GMCL1: variants seen among roughly 807,000 people sequenced by gnomAD.
GMCL1 encodes the protein germ cell-less 1, spermatogenesis associated.
In GMCL1, 54 loss-of-function variants were observed where a neutral mutation model predicts 75.5. That is an observed-to-expected ratio of 0.71 (90% CI 0.57 to 0.90). GMCL1 has a LOEUF of 0.90. Ranked by LOEUF, GMCL1 falls within the 40% of genes least tolerant of loss-of-function variation. The probability of loss-of-function intolerance (pLI) is 0.00; values close to 1 mark genes in which losing one functional copy is unlikely to be tolerated. For synonymous variants in GMCL1, 210 were observed against 209.6 expected, an observed-to-expected ratio of 1.00 and a Z score of -0.02; for missense variants, 537 against 622.7, an observed-to-expected ratio of 0.86 and a Z score of 1.47.
Position 69,829,859 on chromosome 2 carries a change from C to G in GMCL1, c.-34C>G. On this transcript the variant is annotated 5_prime_UTR_variant, in exon 1 of 14. Transcript: ENST00000282570. Reference sequence around the variant, plus strand: ...GAGCCATGGCGGGAGACCCCCTTCTCTGGGCTCCCTGAAGTCTCGGGGAGC... The same window carrying G: ...GAGCCATGGCGGGAGACCCCCTTCTGTGGGCTCCCTGAAGTCTCGGGGAGC... 1 of 1,530,542 alleles carries G rather than the reference C, an allele frequency of 6.5e-7. No individual in the cohort carries two copies. Among genetic ancestry groups the G allele is most frequent in the African/African-American group, 1.4e-5 (1 of 72,402 alleles). The allele number at this position is 1,530,542 out of a possible 1,614,324, so 94.8% of individuals were successfully genotyped here.
rs1197368876 is a variant in GMCL1, at chr2:69,877,984, C to T, written c.1453-925C>T. 3.9e-5 allele frequency among the ~76,000 whole-genome samples: 6 copies of T among 152,132 alleles called. No homozygotes were observed. The East Asian group carries it at 5.8e-4, about 15-fold the overall frequency. ...GAGAGCATATCCCAGGCATTTAAAA[C>T]GTAGGAATTCTCATTTTAGTGTTTC... On this transcript the variant is annotated intron_variant, in intron 13 of 13. Coordinates refer to ENST00000282570, the MANE Select transcript of GMCL1 (RefSeq NM_178439.5).
At position 69,878,954 on chromosome 2, in the gene GMCL1, T is replaced by A; in HGVS notation, c.1498T>A (p.Leu500Ile). ...GGACAGCAGGCTTCTGATCTTCCCT[T>A]TATATATCTGCTGTAACTTCTTGTA... ...NLDSRLLIFP[L>I]YICCNFLYIS... Residue 500 changes from leucine to isoleucine, a missense_variant, in exon 14 of 14, where the codon TTA becomes ATA. This residue lies in a region of GMCL1 where 345 missense variants were observed against 410.5 expected (regional missense o/e 0.84). Coordinates refer to ENST00000282570, the MANE Select transcript of GMCL1 (RefSeq NM_178439.5). 1 of 1,611,006 alleles carries A rather than the reference T, an allele frequency of 6.2e-7. No individual in the cohort carries two copies. Among genetic ancestry groups the A allele is most frequent in the South Asian group, 1.1e-5 (1 of 90,986 alleles).
chr2:69,841,086 G>T (rs1558538500), intron 4 of GMCL1, 47 bp downstream of exon 4: 1 of 1,361,346 alleles, frequency 7.3e-7, no homozygotes, highest in African/African-American at 1.4e-5. Flanking sequence ...AATAATCTTT[G>T]TCTCAAAGTG....
At chr2:69,873,412 A>G (rs1676038535) in intron 13 of GMCL1, among the ~76,000 whole-genome samples, 1 of 152,228 alleles carries the variant, frequency 6.6e-6, no homozygotes. Context: ...CAACAATCAT[A>G]CATGTACCAC....
intron 1 of GMCL1, among the ~76,000 whole-genome samples, chr2:69,830,763 C>CTT (rs201320282): frequency 4.2e-4 from 58 of 138,060 alleles, no homozygotes; most frequent in Admixed American, 2.5e-3. Context: ...TGTTTAACCC[C>CTT]TTTTTTTTTT....
rs373203076 is a variant in GMCL1, at chr2:69,843,923, T to C, written c.693-208T>C. On this transcript the variant is annotated intron_variant, in intron 5 of 13. Transcript: ENST00000282570. ...TTAACACAAACTCAAAATGAAGTTT[T>C]AAAACTGGAAATGCTCTCGTTAATA... 3.9e-5 allele frequency among the ~76,000 whole-genome samples: 6 copies of C among 152,280 alleles called. No homozygotes were observed. The South Asian group carries it at 1.2e-3, about 32-fold the overall frequency.
chr2:69,832,250 C>A (rs1674695661), intron 1 of GMCL1, among the ~76,000 whole-genome samples: 2 of 151,934 alleles, frequency 1.3e-5, no homozygotes, highest in Non-Finnish European at 2.9e-5. Flanking sequence ...GACTTCTTGT[C>A]TGTATTCTGC....
chr2:69,837,468 G>A, intron 1 of GMCL1, 79 bp from the exon 2 acceptor site: 3 of 1,074,956 alleles, frequency 2.8e-6, no homozygotes, highest in South Asian at 1.7e-5. Flanking sequence ...TGAATAAAAG[G>A]AGTATTTAGA....
chr2:69,868,812 T>G (rs2104040829), intron 11 of GMCL1, among the ~76,000 whole-genome samples: 1 of 151,174 alleles, frequency 6.6e-6, no homozygotes, highest in South Asian at 2.1e-4. Context: ...CCACTTAGAG[T>G]TGCAGTGAAA....
chr2:69,864,233 CTAT>C (rs2104023684), intron 10 of GMCL1, among the ~76,000 whole-genome samples: 1 of 151,748 alleles, frequency 6.6e-6, no homozygotes, highest in East Asian at 1.9e-4. Context: ...ATTATATATG[CTAT>C]TATTGTACCC....
At chr2:69,878,793 G>T (rs989945388) in intron 13 of GMCL1, 116 bp from the exon 14 acceptor site, 1 of 747,436 alleles carries the variant, frequency 1.3e-6, no homozygotes, top group Non-Finnish European at 2.4e-6. Flanking sequence ...TTTGGAGAGT[G>T]GAGTTGTGGA....
chr2:69,877,241 T>C, intron 13 of GMCL1, among the ~76,000 whole-genome samples: 1 of 152,214 alleles, frequency 6.6e-6, no homozygotes. Context: ...CGGATCGACC[T>C]ATCCTGTTTG....
chr2:69,829,931 A>G lies in GMCL1; in HGVS notation c.39A>G (p.Arg13=). The G allele has an allele frequency of 6.2e-7, 1 of 1,604,726 alleles. No individual in the cohort carries two copies. The highest frequency in any genetic ancestry group is 8.5e-7 in the Non-Finnish European group (1 of 1,175,850). The change falls in exon 1 of 14, where the codon AGA becomes AGG. Residue 13 remains arginine, a synonymous_variant. Transcript: ENST00000282570. ...SLSSRVLRQP[R]PALAQQAQGA... ...GCAGCCGGGTGCTGCGCCAGCCAAG[A>G]CCAGCCCTTGCCCAGCAGGCGCAGG...
chr2:69,866,704 A>T (rs1412402631), intron 11 of GMCL1, among the ~76,000 whole-genome samples: 2 of 149,414 alleles, frequency 1.3e-5, no homozygotes, highest in Non-Finnish European at 2.9e-5. Flanking sequence ...GGCTCAAGAG[A>T]TCTTCCTGCC....
At chr2:69,866,293 C>T (rs191227531) in intron 11 of GMCL1, among the ~76,000 whole-genome samples, 68 of 151,100 alleles carry the variant, frequency 4.5e-4, no homozygotes, top group Non-Finnish European at 6.6e-4. Flanking sequence ...ATTGATTTTA[C>T]AATCCACTAA....
At chr2:69,845,775 G>T (rs1173581821) in intron 6 of GMCL1, among the ~76,000 whole-genome samples, 2 of 152,110 alleles carry the variant, frequency 1.3e-5, no homozygotes, top group Non-Finnish European at 2.9e-5. Context: ...AGAAAATCTG[G>T]CTAGCAGTTA....
rs994478299 is a variant in GMCL1, at chr2:69,873,133, A to G, written c.1452+1301A>G. 6.8e-4 allele frequency among the ~76,000 whole-genome samples: 103 copies of G among 152,214 alleles called. 2 individuals are homozygous for G. Among genetic ancestry groups the G allele is most frequent in the Non-Finnish European group, 2.2e-4 (15 of 68,038 alleles). On this transcript the variant is annotated intron_variant, in intron 13 of 13. Coordinates refer to ENST00000282570, the MANE Select transcript of GMCL1 (RefSeq NM_178439.5). ...TTGGAGGAGGAGGAGAAAGAAAGACAGCTCAGGGAAAACATCCTCTCCTGG... is the reference window on the plus strand; with the variant it reads ...TTGGAGGAGGAGGAGAAAGAAAGACGGCTCAGGGAAAACATCCTCTCCTGG...
chr2:69,869,027 C>T (rs1256575233), intron 11 of GMCL1, among the ~76,000 whole-genome samples: 9 of 151,048 alleles, frequency 6.0e-5, no homozygotes, highest in East Asian at 3.9e-4. Flanking sequence ...CCGAGGCGGG[C>T]GGATCACCTG....
At chr2:69,875,397 A>C (rs1466269642) in intron 13 of GMCL1, among the ~76,000 whole-genome samples, 11 of 152,210 alleles carry the variant, frequency 7.2e-5, no homozygotes, top group African/African-American at 2.7e-4. Flanking sequence ...ATATTTAGTT[A>C]CGCAAAACCA....
Sources: gnomAD v4.1 joint callset for allele counts (sites outside exome capture counted in the v4.1 genomes callset) on GRCh38, gnomAD v4.1.1 for gene constraint, gnomAD v4.1.1 regional missense constraint, MANE v1.5 for transcripts, NCBI Gene and HGNC (gene_info 2026-07-23, HGNC 2026-07-21) for gene names.